Variants in EMG1 observed in about 807,000 individuals in gnomAD.
EMG1 encodes ribosomal RNA small subunit methyltransferase NEP1.
A neutral mutation model predicts 26.9 loss-of-function variants in EMG1; 24 were observed. The observed-to-expected ratio is 0.89, with a 90% CI of 0.65 to 1.26. The LOEUF is 1.26. Among genes scored for constraint, EMG1 ranks in the 50% most tolerant of loss-of-function variants. The pLI, the probability that EMG1 is intolerant of heterozygous loss-of-function variation, is 0.00. For synonymous variants in EMG1, 140 were observed against 112.6 expected (o/e 1.24, Z -1.54); for missense variants, 299 against 307.6 (o/e 0.97, Z 0.21).
At position 6,978,441 on chromosome 12, in the gene EMG1, C is replaced by T. The variant is rs782379160; in HGVS notation, c.*2632C>T. On this transcript the variant is annotated 3_prime_UTR_variant, in exon 6 of 6. Transcript: ENST00000599672. The stretch of plus-strand genomic sequence containing the variant: ...CACACCTTCATGTTGGCACAGGCAT[C>T]CCACTTTGCCTTGCCCTTTTCTTCA... 18 of 1,614,056 alleles carry T rather than the reference C, an allele frequency of 1.1e-5. No individual in the cohort carries two copies. In the East Asian group the frequency reaches 3.8e-4, roughly 34 times the overall value.
At chr12:6,995,401 G>C (rs781942270) in intron 7 of EMG1, among the ~76,000 whole-genome samples, 3 of 151,740 alleles carry the variant, frequency 2.0e-5, no homozygotes, top group Admixed American at 6.6e-5. Flanking sequence ...TTGAACCCAG[G>C]AGGCGGAGGT....
At chr12:6,981,444 C>A (rs1339096204), downstream of EMG1, 2 of 823,724 alleles carry the variant, frequency 2.4e-6, no homozygotes, top group African/African-American at 3.3e-5. Context: ...ATTTGTTGAT[C>A]CTTGCTCAGT....
intron 6 of EMG1, among the ~76,000 whole-genome samples, chr12:6,985,360 C>T (rs1946512737): frequency 6.6e-6 from 1 of 151,600 alleles, no homozygotes; most frequent in African/African-American, 2.4e-5. Flanking sequence ...GGCACCACTG[C>T]ACTCCAGCCT....
At chr12:6,990,767 ACC>A (rs1946581655), downstream of EMG1, among the ~76,000 whole-genome samples, 2 of 150,770 alleles carry the variant, frequency 1.3e-5, no homozygotes, top group South Asian at 4.2e-4. Flanking sequence ...AAATACAAAA[ACC>A]AGCCAGACAT....
chr12:6,983,177 C>G, downstream of EMG1: 1 of 459,176 alleles, frequency 2.2e-6, no homozygotes, highest in Non-Finnish European at 4.0e-6. Context: ...ATCCACAGCA[C>G]AGAGAAACTG....
intron 6 of EMG1, among the ~76,000 whole-genome samples, chr12:6,985,499 A>C (rs1555154721): frequency 1.3e-5 from 2 of 151,934 alleles, no homozygotes; most frequent in Non-Finnish European, 1.5e-5. Context: ...GGATCACTTG[A>C]GATCCGGAGT....
intron 1 of EMG1, 88 bp downstream of exon 1, chr12:6,971,179 A>C: frequency 1.8e-6 from 2 of 1,120,096 alleles, no homozygotes; most frequent in Non-Finnish European, 2.6e-6. Flanking sequence ...TGGATGTAGA[A>C]AGCAGAGAGG....
downstream of EMG1, chr12:6,983,404 G>A (rs1555154394): frequency 3.5e-6 from 5 of 1,434,914 alleles, no homozygotes; most frequent in South Asian, 1.2e-5. Context: ...CACTAATTGC[G>A]GTGTCACTGC....
At chr12:6,985,186 TC>T (rs1946509863) in intron 6 of EMG1, among the ~76,000 whole-genome samples, 2 of 145,798 alleles carry the variant, frequency 1.4e-5, no homozygotes, top group Non-Finnish European at 3.0e-5. Context: ...GGACAGGAGA[TC>T]GAGACTATCC....
downstream of EMG1, chr12:6,982,906 C>T (rs1946485480): frequency 1.5e-6 from 1 of 678,524 alleles, no homozygotes; most frequent in Non-Finnish European, 2.7e-6. Context: ...AGAATAACCT[C>T]ATGTTTTGGA....
intron 1 of EMG1, among the ~76,000 whole-genome samples, chr12:6,973,578 T>TG (rs1946358120): frequency 6.6e-6 from 1 of 152,140 alleles, no homozygotes; most frequent in Non-Finnish European, 1.5e-5. Context: ...TTTTTTGAGA[T>TG]GGAGTCTCGC....
downstream of EMG1, chr12:6,983,107 G>T: frequency 2.0e-6 from 1 of 506,422 alleles, no homozygotes; most frequent in South Asian, 1.7e-5. Context: ...CTGTATTTTT[G>T]AATGTCTGAA....
chr12:6,978,172 GT>G lies in EMG1; in HGVS notation c.*2370del. 17 of 767,650 alleles carry G rather than the reference GT, an allele frequency of 2.2e-5. No individual in the cohort carries two copies. Among genetic ancestry groups the G allele is most frequent in the Admixed American group, 2.6e-5 (1 of 38,454 alleles). 47.6% of individuals were successfully genotyped at this position (767,650 alleles called of 1,614,324 possible). A position where few individuals can be genotyped will look rare whatever the true frequency, so the allele number is the denominator to read the frequency against. On this transcript the variant is annotated 3_prime_UTR_variant, in exon 6 of 6. Coordinates refer to ENST00000599672, the MANE Select transcript of EMG1 (RefSeq NM_006331.8). ...CTTTTTTTCAAATATGACAGTAATG[GT>G]TTTTTTGGGAGGGGGGTATAGGTGG... is the stretch of plus-strand genomic sequence containing the variant.
At chr12:6,986,497 A>T (rs1413682705) in intron 6 of EMG1, among the ~76,000 whole-genome samples, 1 of 152,084 alleles carries the variant, frequency 6.6e-6, no homozygotes, top group Non-Finnish European at 1.5e-5. Context: ...GTCAAAAGTT[A>T]TATGTGGCCG....
Position 6,975,300 on chromosome 12 carries a change from G to A in EMG1, c.543G>A (p.Pro181=), listed in dbSNP as rs900422616. The A allele has an allele frequency of 1.6e-5, 25 of 1,611,540 alleles. No homozygotes were observed. The highest frequency in any genetic ancestry group is 1.6e-4 in the Middle Eastern group (1 of 6,080). Residue 181 remains proline, a synonymous_variant, in exon 5 of 6, where the codon CCG becomes CCA. Coordinates refer to ENST00000599672, the MANE Select transcript of EMG1 (RefSeq NM_006331.8). The part of the protein sequence containing the change: ...CMKVGTSFSI[P]VVSDVRELVP... ...AAGTTGGCACTTCTTTTTCCATCCC[G>A]GTTGTCAGTGATGTGCGTGAGCTGG...
At chr12:6,983,645 A>G (rs1555154453), downstream of EMG1, 4 of 711,102 alleles carry the variant, frequency 5.6e-6, no homozygotes. Flanking sequence ...GAGAGAGAAA[A>G]AAAAAACAAC....
At chr12:6,972,215 C>T (rs1363293197) in intron 1 of EMG1, among the ~76,000 whole-genome samples, 1 of 151,976 alleles carries the variant, frequency 6.6e-6, no homozygotes, top group African/African-American at 2.4e-5. Flanking sequence ...TACAGGCCTG[C>T]GCCTGTAATC....
At chr12:6,990,647 G>T (rs1555155385), downstream of EMG1, among the ~76,000 whole-genome samples, 1 of 151,738 alleles carries the variant, frequency 6.6e-6, no homozygotes, top group Non-Finnish European at 1.5e-5. Context: ...TAAAAACTGG[G>T]TGTGGTGGCT....
In EMG1 at chr12:6,974,402, C is replaced by CG. The variant is rs782446477; in HGVS notation, c.235dup (p.Asp79GlyfsTer20). 5 of 1,613,576 alleles carry CG rather than the reference C, an allele frequency of 3.1e-6. No individual in the cohort carries two copies. The East Asian group carries it at 8.9e-5, about 29-fold the overall frequency. On this transcript the variant is annotated frameshift_variant, in exon 2 of 6. Transcript: ENST00000599672. LOFTEE classifies it high-confidence loss of function. ...CAAGTCTATATTGTTGAAGAATGGACGGGACCCTGGGGAAGCGCGGCCAGA... is the reference window on the plus strand; with the variant it reads ...CAAGTCTATATTGTTGAAGAATGGACGGGGACCCTGGGGAAGCGCGGCCAGA...
Sources: gnomAD v4.1 joint callset for allele counts (sites outside exome capture counted in the v4.1 genomes callset) on GRCh38, gnomAD v4.1.1 for gene constraint, MANE v1.5 for transcripts, NCBI Gene and HGNC (gene_info 2026-07-23, HGNC 2026-07-21) for gene names.